BCL9: variants seen among roughly 807,000 people sequenced by gnomAD.
The protein encoded by BCL9 is B-cell CLL/lymphoma 9 protein.
A neutral mutation model predicts 88.5 loss-of-function variants in BCL9; 25 were observed. That is an observed-to-expected ratio of 0.28 (90% CI 0.21 to 0.39). BCL9 has a LOEUF of 0.39. Among genes scored for constraint, BCL9 ranks in the 10% least tolerant of loss-of-function variants. BCL9 has a pLI of 1.00. For synonymous variants in BCL9, 711 were observed against 673.3 expected, an observed-to-expected ratio of 1.06 and a Z score of -0.87; for missense variants, 1,817 against 1,877.8, an observed-to-expected ratio of 0.97 and a Z score of 0.60.
At chr1:147,615,960 A>G in intron 7 of BCL9, 58 bp downstream of exon 7, 1 of 1,501,624 alleles carries the variant, frequency 6.7e-7, no homozygotes, top group South Asian at 1.2e-5. Context: ...CTGCAAAGGA[A>G]AGGAGGTGGT....
chr1:147,554,886 A>G (rs1009834200), intron 1 of BCL9, among the ~76,000 whole-genome samples: 1 of 152,124 alleles, frequency 6.6e-6, no homozygotes, highest in Non-Finnish European at 1.5e-5. Context: ...TCAGGGGCCA[A>G]CATATCTCCA....
In BCL9 at chr1:147,564,319, AGTT is replaced by A. The variant is rs587722132; in HGVS notation, c.-478+22647_-478+22649del. 2.2e-3 allele frequency among the ~76,000 whole-genome samples: 340 copies of A among 152,040 alleles called. 3 individuals are homozygous for A. Among genetic ancestry groups the A allele is most frequent in the African/African-American group, 7.8e-3 (324 of 41,480 alleles). On this transcript the variant is annotated intron_variant, in intron 1 of 9. Transcript: ENST00000234739. ...TGATTCGGTCAGGGTTTGATTATCT[AGTT>A]GGTGGATTATTGAGCCCCTGGCATT...
intron 1 of BCL9, among the ~76,000 whole-genome samples, chr1:147,560,108 C>T (rs762378104): frequency 3.5e-4 from 53 of 152,266 alleles, no homozygotes; most frequent in Admixed American, 1.3e-3. Context: ...CAGGGAAACA[C>T]TTGTGCTATT....
chr1:147,599,748 C>T (rs1350146832), intron 1 of BCL9, among the ~76,000 whole-genome samples: 4 of 144,876 alleles, frequency 2.8e-5, no homozygotes, highest in African/African-American at 1.0e-4. Context: ...GTGGTGCCGG[C>T]GGTGGGCGGG....
At chr1:147,547,939 A>T (rs1366015510) in intron 1 of BCL9, among the ~76,000 whole-genome samples, 2 of 152,256 alleles carry the variant, frequency 1.3e-5, no homozygotes, top group African/African-American at 4.8e-5. Context: ...TATCAAAAGT[A>T]TTCTTAAAGA....
At position 147,562,432 on chromosome 1, in the gene BCL9, G is replaced by A. The variant is rs139574215; in HGVS notation, c.-478+20758G>A. On this transcript the variant is annotated intron_variant, in intron 1 of 9. Coordinates refer to ENST00000234739, the MANE Select transcript of BCL9 (RefSeq NM_004326.4). ...CTTCGGTACTGGGGAGCCATTAAAC[G>A]TTCTTGAGCAGGAGTGACATATGCA... Among the ~76,000 whole-genome samples the A allele has an allele frequency of 4.0e-3, 602 of 152,288 alleles. 5 individuals carry two copies. The highest frequency in any genetic ancestry group is 0.014 in the African/African-American group (586 of 41,572).
intron 6 of BCL9, among the ~76,000 whole-genome samples, chr1:147,615,387 A>G (rs952678699): frequency 2.6e-5 from 4 of 152,144 alleles, no homozygotes; most frequent in Non-Finnish European, 5.9e-5. Context: ...CCCTACATAT[A>G]TGGTTTTCTG....
At chr1:147,552,434 T>C (rs184939629) in intron 1 of BCL9, among the ~76,000 whole-genome samples, 13 of 151,822 alleles carry the variant, frequency 8.6e-5, no homozygotes, top group African/African-American at 3.2e-4. Flanking sequence ...ATGGAAACCC[T>C]GTCTCTACTA....
intron 8 of BCL9, among the ~76,000 whole-genome samples, chr1:147,621,797 T>C (rs1658664646): frequency 6.6e-6 from 1 of 152,134 alleles, no homozygotes; most frequent in Non-Finnish European, 1.5e-5. Context: ...CCTCAGACCT[T>C]CTTGGTTCAA....
chr1:147,624,263 T>C lies in BCL9; in HGVS notation c.3585T>C (p.Pro1195=), dbSNP rs1553206030. 1 of 1,614,216 alleles carries C rather than the reference T, an allele frequency of 6.2e-7. No individual in the cohort carries two copies. Among genetic ancestry groups the C allele is most frequent in the East Asian group, 2.2e-5 (1 of 44,878 alleles). The change falls in exon 10 of 10, where the codon CCT becomes CCC. Residue 1195 remains proline (P), a synonymous_variant. Transcript: ENST00000234739. This position sits in a 1 kb window ranked among gnomAD's most constrained non-coding sequence, Gnocchi z 4.4. The part of the protein sequence containing the change: ...QSSADAALCK[P]GGPGGPDSFT... ...CAGCAGATGCAGCACTTTGCAAGCCTGGAGGCCCCGGGGGTCCTGACTCCT... is the reference window on the plus strand; with the variant it reads ...CAGCAGATGCAGCACTTTGCAAGCCCGGAGGCCCCGGGGGTCCTGACTCCT...
intron 1 of BCL9, among the ~76,000 whole-genome samples, chr1:147,570,031 T>C (rs1188994354): frequency 6.6e-6 from 1 of 152,216 alleles, no homozygotes; most frequent in Non-Finnish European, 1.5e-5. Context: ...GATGGTGATG[T>C]CTAACGGAGC....
intron 1 of BCL9, among the ~76,000 whole-genome samples, chr1:147,568,438 G>A (rs995157667): frequency 3.3e-5 from 5 of 150,354 alleles, no homozygotes; most frequent in Non-Finnish European, 7.4e-5. Context: ...TTCATAGTTG[G>A]GCACTGTTCA....
chr1:147,567,001 C>T (rs1448743380), intron 1 of BCL9, among the ~76,000 whole-genome samples: 2 of 152,126 alleles, frequency 1.3e-5, no homozygotes, highest in Non-Finnish European at 2.9e-5. Flanking sequence ...GAAATAGAGT[C>T]TGGGTGGTTG....
chr1:147,554,348 G>T (rs55697080), intron 1 of BCL9, among the ~76,000 whole-genome samples: 1 of 152,106 alleles, frequency 6.6e-6, no homozygotes. Context: ...AAACTGAAAA[G>T]ACAAGGACAT....
intron 1 of BCL9, among the ~76,000 whole-genome samples, chr1:147,579,675 T>C (rs1435525822): frequency 1.3e-5 from 2 of 152,202 alleles, no homozygotes; most frequent in African/African-American, 4.8e-5. Flanking sequence ...CTTTCCTCAG[T>C]AAGATCATTT....
chr1:147,622,315 A>T lies in BCL9; in HGVS notation c.2947A>T (p.Ile983Phe). The change falls in exon 9 of 10, where the codon ATC (isoleucine) becomes TTC (phenylalanine). Residue 983 changes from isoleucine (I) to phenylalanine (F), a missense_variant. Coordinates refer to ENST00000234739, the MANE Select transcript of BCL9 (RefSeq NM_004326.4). ...AGCCAGCCAGCCTGCCTCTGTGAAT[A>T]TCCCTGGAAGTCTTCCCTCTAGTAC... ...PTASQPASVN[I>F]PGSLPSSTPY... is the part of the protein sequence containing the mutation. The T allele has an allele frequency of 1.2e-6, 2 of 1,614,154 alleles. No homozygotes were observed. The highest frequency in any genetic ancestry group is 1.7e-6 in the Non-Finnish European group (2 of 1,180,016).
intron 1 of BCL9, among the ~76,000 whole-genome samples, chr1:147,559,911 C>T (rs1356491963): frequency 2.0e-5 from 3 of 152,110 alleles, no homozygotes; most frequent in East Asian, 3.9e-4. Context: ...GAACTAAGAC[C>T]CAGAGAAAAC....
intron 1 of BCL9, among the ~76,000 whole-genome samples, chr1:147,552,996 A>C (rs1170327662): frequency 6.6e-6 from 1 of 151,978 alleles, no homozygotes; most frequent in Non-Finnish European, 1.5e-5. Context: ...TTTACATACA[A>C]TACCAGGCTT....
rs782711634 is a variant in BCL9 at position 147,619,322 on chromosome 1, G to A, written c.1167G>A (p.Gln389=). Reference sequence around the variant, plus strand: ...CAGGAGCACAAAGTGGGGGACCGCAGCAGAATCCTGGGGTATTAGATGGGC... The same window carrying A: ...CAGGAGCACAAAGTGGGGGACCGCAACAGAATCCTGGGGTATTAGATGGGC... The part of the protein sequence containing the change: ...EFTGAQSGGP[Q]QNPGVLDGPQ... Residue 389 remains glutamine, a synonymous_variant, in exon 8 of 10, where the codon CAG becomes CAA. Transcript: ENST00000234739. This position sits in a 1 kb window ranked among gnomAD's most constrained non-coding sequence, Gnocchi z 4.1. 2 of 1,614,080 alleles carry A rather than the reference G, an allele frequency of 1.2e-6. No individual in the cohort carries two copies. The highest frequency in any genetic ancestry group is 1.1e-5 in the South Asian group (1 of 91,086).
Sources: gnomAD v4.1 joint callset for allele counts (sites outside exome capture counted in the v4.1 genomes callset) on GRCh38, gnomAD v4.1.1 for gene constraint, Gnocchi (gnomAD v3.1) non-coding constraint, MANE v1.5 for transcripts, NCBI Gene and HGNC (gene_info 2026-07-23, HGNC 2026-07-21) for gene names.